INPP5F: variants seen among roughly 807,000 people sequenced by gnomAD.
INPP5F encodes phosphatidylinositide 4-phosphatase SAC2.
Under a neutral mutation model 137.2 loss-of-function variants are expected in INPP5F, and 97 were observed. The ratio of observed to expected loss-of-function variants is 0.71; its 90% CI spans 0.60 to 0.84. The LOEUF is 0.84. INPP5F is among the 40% of genes least tolerant of loss of function. The pLI is 0.00. For missense variants in INPP5F, 1,271 were observed against 1,371.9 expected, an observed-to-expected ratio of 0.93 and a Z score of 1.16; for synonymous variants, 504 against 476.9, an observed-to-expected ratio of 1.06 and a Z score of -0.74.
chr10:119,746,670 GAGTTGA>G (rs1221240885), intron 1 of INPP5F, among the ~76,000 whole-genome samples: 5 of 152,074 alleles, frequency 3.3e-5, no homozygotes, highest in African/African-American at 1.2e-4. Context: ...ACATGTCAAA[GAGTTGA>G]AGTCCTTAAT....
intron 2 of INPP5F, among the ~76,000 whole-genome samples, chr10:119,778,142 G>A (rs1241981137): frequency 1.3e-5 from 2 of 152,000 alleles, no homozygotes; most frequent in Non-Finnish European, 2.9e-5. Flanking sequence ...GAGTAGCTGG[G>A]ATTACATACG....
In INPP5F at chr10:119,806,533, T is replaced by A. The variant is rs528251363; in HGVS notation, c.1440+53T>A. 9 of 1,501,836 alleles carry A rather than the reference T, an allele frequency of 6.0e-6. No individual in the cohort carries two copies. The Admixed American group carries it at 7.0e-5, about 12-fold the overall frequency. 93.0% of individuals were successfully genotyped at this position (1,501,836 alleles called of 1,614,324 possible). On this transcript the variant is annotated intron_variant, in intron 12 of 19. Transcript: ENST00000650623. Reference sequence around the variant, plus strand: ...TATTCATTTCGAAATGCTTTTTTTTTCCATGAGTAAGCAAATAGCTAAATA... The same window carrying A: ...TATTCATTTCGAAATGCTTTTTTTTACCATGAGTAAGCAAATAGCTAAATA...
rs901824052 is a variant in INPP5F, at chr10:119,827,137, C to T, written c.2756C>T (p.Ser919Leu). The T allele has an allele frequency of 9.3e-6, 15 of 1,614,018 alleles. No individual in the cohort carries two copies. The highest frequency in any genetic ancestry group is 8.3e-5 in the Admixed American group (5 of 60,008). ...SSTDSSVHAPSEITVAHGSGL... is the reference protein window; with the variant it reads ...SSTDSSVHAPLEITVAHGSGL... ...ACAGATAGTAGCGTTCATGCTCCTT[C>T]AGAGATTACTGTTGCTCATGGGAGT... is the stretch of plus-strand genomic sequence containing the variant. Residue 919 changes from serine (S) to leucine (L), a missense_variant, in exon 20 of 20, where the codon TCA becomes TTA. Coordinates refer to ENST00000650623, the MANE Select transcript of INPP5F (RefSeq NM_014937.4).
At chr10:119,742,608 C>G (rs1848408880) in intron 1 of INPP5F, among the ~76,000 whole-genome samples, 2 of 152,268 alleles carry the variant, frequency 1.3e-5, no homozygotes, top group East Asian at 1.9e-4. Flanking sequence ...TTTGGAGTAC[C>G]TGGGATGATG....
intron 9 of INPP5F, chr10:119,799,389 A>G (rs1034574058): frequency 5.0e-5 from 20 of 396,330 alleles, no homozygotes; most frequent in South Asian, 3.9e-4. Context: ...AAAAAGAAAA[A>G]AACTACTGAA....
chr10:119,828,191 C>T lies in INPP5F; in HGVS notation c.*411C>T, dbSNP rs989178955. ...TCATTCCTGTGTGTTCTTACCTCTA[C>T]AAAGTAAATTACACATTTAGTTTTT... is the stretch of plus-strand genomic sequence containing the variant. On this transcript the variant is annotated 3_prime_UTR_variant, in exon 20 of 20. Transcript: ENST00000650623. The T allele has an allele frequency of 3.2e-5, 5 of 156,886 alleles. No individual in the cohort carries two copies. Among genetic ancestry groups the T allele is most frequent in the Non-Finnish European group, 7.0e-5 (5 of 71,102 alleles). The allele number at this position is 156,886 out of a possible 1,614,324, so 9.7% of individuals were successfully genotyped here.
intron 3 of INPP5F, among the ~76,000 whole-genome samples, chr10:119,785,286 G>GTGTTTTTTTTTT (rs1763673907): frequency 9.4e-6 from 1 of 106,228 alleles, no homozygotes; most frequent in Non-Finnish European, 1.9e-5. Flanking sequence ...CTGCCAGACT[G>GTGTTTTTTTTTT]TTTTTTTTTT....
At chr10:119,780,010 T>A (rs1453150094) in intron 2 of INPP5F, among the ~76,000 whole-genome samples, 1 of 152,194 alleles carries the variant, frequency 6.6e-6, no homozygotes, top group Non-Finnish European at 1.5e-5. Flanking sequence ...TAATTGTATG[T>A]TGTATACTTT....
intron 9 of INPP5F, among the ~76,000 whole-genome samples, chr10:119,803,866 A>G (rs1307393624): frequency 6.6e-6 from 1 of 152,180 alleles, no homozygotes; most frequent in East Asian, 1.9e-4. Context: ...TATCTAAAAT[A>G]TTTGCTGTTA....
intron 2 of INPP5F, among the ~76,000 whole-genome samples, chr10:119,761,223 T>C (rs1283322095): frequency 1.3e-5 from 2 of 152,224 alleles, no homozygotes; most frequent in African/African-American, 4.8e-5. Context: ...AAATAGAGCC[T>C]ATTAAAAATG....
Position 119,827,231 on chromosome 10 carries a change from T to C in INPP5F, c.2850T>C (p.Thr950=). The C allele has an allele frequency of 3.1e-6, 5 of 1,614,150 alleles. No individual in the cohort carries two copies. Among genetic ancestry groups the C allele is most frequent in the Non-Finnish European group, 4.2e-6 (5 of 1,180,026 alleles). Residue 950 remains threonine (T), a synonymous_variant, in exon 20 of 20, where the codon ACT becomes ACC. Transcript: ENST00000650623. ...SPSAGDVHIL[T]GFAKPMDIYC... ...CTGCTGGCGACGTACACATATTGAC[T>C]GGCTTTGCCAAGCCTATGGATATTT...
intron 19 of INPP5F, chr10:119,825,937 C>A: frequency 2.5e-6 from 1 of 398,472 alleles, no homozygotes. Context: ...ATCAACTTTT[C>A]TTTCTTATTT....
At chr10:119,743,975 T>G (rs1474907111) in intron 1 of INPP5F, among the ~76,000 whole-genome samples, 1 of 152,096 alleles carries the variant, frequency 6.6e-6, no homozygotes, top group African/African-American at 2.4e-5. Context: ...AAGTAAGACC[T>G]CTCTCAAAAA....
At chr10:119,790,159 C>A (rs575803063) in intron 3 of INPP5F, among the ~76,000 whole-genome samples, 2 of 151,820 alleles carry the variant, frequency 1.3e-5, no homozygotes, top group African/African-American at 4.8e-5. Flanking sequence ...AGAGGAGTCG[C>A]TCGGGGGTGT....
intron 10 of INPP5F, 56 bp from the exon 11 acceptor site, chr10:119,805,328 T>TA (rs771103448): frequency 4.0e-4 from 559 of 1,406,476 alleles, no homozygotes; most frequent in Non-Finnish European, 5.0e-4. Flanking sequence ...TCTTAAGTTT[T>TA]AAAAAAATCT....
Position 119,797,475 on chromosome 10 carries a change from C to A in INPP5F, c.883C>A (p.Arg295=). ...TTTTCTTTCAGGAATGCGCTATAAA[C>A]GAAGAGGAGTGGATAAAAATGGAAA... ...SRHRAGMRYK[R]RGVDKNGNVA... Residue 295 remains arginine, a synonymous_variant, in exon 8 of 20, where the codon CGA becomes AGA. Coordinates refer to ENST00000650623, the MANE Select transcript of INPP5F (RefSeq NM_014937.4). The A allele has an allele frequency of 4.4e-6, 7 of 1,607,610 alleles. No homozygotes were observed. The South Asian group carries it at 5.6e-5, about 13-fold the overall frequency.
At chr10:119,729,598 A>G (rs561054887) in intron 1 of INPP5F, among the ~76,000 whole-genome samples, 1 of 147,840 alleles carries the variant, frequency 6.8e-6, no homozygotes, top group African/African-American at 2.5e-5. Flanking sequence ...TTTTTCTGAG[A>G]CAGGGTCTTG....
chr10:119,727,385 T>C (rs2134093290), intron 1 of INPP5F, among the ~76,000 whole-genome samples: 1 of 152,354 alleles, frequency 6.6e-6, no homozygotes, highest in Non-Finnish European at 1.5e-5. Flanking sequence ...ACTTATAGGA[T>C]GGTTTTTAAG....
intron 2 of INPP5F, among the ~76,000 whole-genome samples, chr10:119,779,022 T>C (rs1021108061): frequency 1.3e-5 from 2 of 152,156 alleles, no homozygotes; most frequent in Non-Finnish European, 2.9e-5. Flanking sequence ...CATCCCCCTC[T>C]TCTCTGTACC....
Sources: allele counts gnomAD v4.1 joint callset (sites outside exome capture counted in the v4.1 genomes callset), GRCh38; gene constraint gnomAD v4.1.1; transcripts MANE v1.5; gene names NCBI Gene and HGNC (gene_info 2026-07-23, HGNC 2026-07-21).